ACAD11: variants seen among roughly 807,000 people sequenced by gnomAD.
ACAD11 encodes the protein acyl-CoA dehydrogenase family member 11.
Under a neutral mutation model 102.2 loss-of-function variants are expected in ACAD11, and 83 were observed. The observed-to-expected ratio is 0.81, with a 90% CI of 0.68 to 0.97. The LOEUF is 0.97. Among genes scored for constraint, ACAD11 ranks in the 50% least tolerant of loss-of-function variants. The pLI is 0.00. For missense variants in ACAD11, 901 were observed against 951.7 expected, an observed-to-expected ratio of 0.95 and a Z score of 0.70; for synonymous variants, 324 against 319.8, an observed-to-expected ratio of 1.01 and a Z score of -0.14.
intron 9 of ACAD11, among the ~76,000 whole-genome samples, chr3:132,621,498 T>C (rs1241108281): frequency 1.3e-5 from 2 of 151,880 alleles, no homozygotes; most frequent in Non-Finnish European, 2.9e-5. Flanking sequence ...ATAAAGGTAT[T>C]AACAATAAGT....
intron 11 of ACAD11, among the ~76,000 whole-genome samples, chr3:132,608,192 G>A (rs907974155): frequency 7.9e-5 from 12 of 152,196 alleles, no homozygotes; most frequent in East Asian, 5.8e-4. Context: ...AAAGACCATC[G>A]ACACTATAAA....
chr3:132,629,589 T>C (rs890972991), intron 7 of ACAD11, among the ~76,000 whole-genome samples: 2 of 152,248 alleles, frequency 1.3e-5, no homozygotes, highest in Non-Finnish European at 2.9e-5. Context: ...CATACCCATT[T>C]TGAGAAACCC....
chr3:132,632,437 T>C (rs1291956929), intron 5 of ACAD11, among the ~76,000 whole-genome samples: 1 of 152,168 alleles, frequency 6.6e-6, no homozygotes, highest in Non-Finnish European at 1.5e-5. Context: ...AAAAAATCAA[T>C]TTGTAGAATA....
chr3:132,559,121 T>TA (rs752248834), intron 19 of ACAD11, 36 bp from the exon 20 acceptor site: 1 of 1,408,048 alleles, frequency 7.1e-7, no homozygotes, highest in South Asian at 1.2e-5. Flanking sequence ...CACAGGGAGT[T>TA]ATGGAAGAGG....
chr3:132,628,857 A>G (rs17413620), intron 7 of ACAD11, among the ~76,000 whole-genome samples: 14,006 of 152,224 alleles, frequency 0.092, 803 homozygotes, highest in Middle Eastern at 0.14. Context: ...AGAACATTTT[A>G]TCTCATTTTT....
intron 4 of ACAD11, among the ~76,000 whole-genome samples, chr3:132,641,258 T>C (rs1398035243): frequency 1.3e-5 from 2 of 152,092 alleles, no homozygotes; most frequent in Non-Finnish European, 2.9e-5. Flanking sequence ...AAGAAAAAAC[T>C]GTAAGCCGGG....
At chr3:132,605,024 G>A (rs1017502837) in intron 12 of ACAD11, 74 bp downstream of exon 12, 18 of 1,139,522 alleles carry the variant, frequency 1.6e-5, no homozygotes, top group Non-Finnish European at 2.3e-5. Flanking sequence ...ACCACATCCT[G>A]TATTTCTTCA....
intron 13 of ACAD11, among the ~76,000 whole-genome samples, chr3:132,586,057 C>T (rs1937807376): frequency 6.6e-6 from 1 of 152,082 alleles, no homozygotes; most frequent in Non-Finnish European, 1.5e-5. Context: ...TTTATTGTGG[C>T]ACTATTCACA....
At chr3:132,561,279 G>T (rs1937049038) in intron 17 of ACAD11, 62 bp from the exon 18 acceptor site, 1 of 1,191,170 alleles carries the variant, frequency 8.4e-7, no homozygotes, top group Non-Finnish European at 1.3e-6. Context: ...ATGTCCACGT[G>T]TAACACAGTC....
chr3:132,603,469 A>G, intron 12 of ACAD11, 142 bp from the exon 13 acceptor site: 1 of 659,340 alleles, frequency 1.5e-6, no homozygotes, highest in Non-Finnish European at 2.6e-6. Context: ...CTTTTCCCAT[A>G]ACCTACACAC....
chr3:132,612,836 G>C (rs1050544582), intron 11 of ACAD11, among the ~76,000 whole-genome samples: 2 of 151,978 alleles, frequency 1.3e-5, no homozygotes, highest in African/African-American at 4.8e-5. Flanking sequence ...CAGGGATCTA[G>C]AACTAGAAAT....
intron 1 of ACAD11, among the ~76,000 whole-genome samples, chr3:132,655,607 G>A (rs569282137): frequency 2.0e-5 from 3 of 152,232 alleles, no homozygotes; most frequent in South Asian, 2.1e-4. Context: ...GCTGAATGCC[G>A]TGTGCTCGAG....
At chr3:132,654,647 A>G (rs1017800243) in intron 1 of ACAD11, 2 of 152,216 alleles carry the variant, frequency 1.3e-5, no homozygotes, top group East Asian at 3.9e-4. Flanking sequence ...GCCCTCTGGG[A>G]AAAGAGCAGC....
chr3:132,580,919 T>G (rs1006390572), intron 13 of ACAD11, among the ~76,000 whole-genome samples: 1 of 151,772 alleles, frequency 6.6e-6, no homozygotes, highest in Non-Finnish European at 1.5e-5. Flanking sequence ...AGCCAAAACA[T>G]GAAGTCTAAC....
chr3:132,609,412 A>G (rs1238278049), intron 11 of ACAD11, among the ~76,000 whole-genome samples: 1 of 152,226 alleles, frequency 6.6e-6, no homozygotes, highest in East Asian at 1.9e-4. Flanking sequence ...AGAAAAGAGA[A>G]GAATCAAATA....
Position 132,563,357 on chromosome 3 carries a change from GTGATTGGAAC to G in ACAD11, c.2002-2150_2002-2141del, listed in dbSNP as rs1185028335. 5.9e-5 allele frequency among the ~76,000 whole-genome samples: 9 copies of G among 152,302 alleles called. 1 individual carries two copies. In the South Asian group the frequency reaches 1.5e-3, roughly 25 times the overall value. ...TCTACAAAATTGTCCTTTTGGGACT[GTGATTGGAAC>G]TGCCTTAAGTCTGCAGATCAATTTG... On this transcript the variant is annotated intron_variant, in intron 17 of 19. Transcript: ENST00000264990.
At chr3:132,603,701 C>T (rs960386551) in intron 12 of ACAD11, among the ~76,000 whole-genome samples, 1 of 152,220 alleles carries the variant, frequency 6.6e-6, no homozygotes, top group African/African-American at 2.4e-5. Flanking sequence ...AGATTCCCCC[C>T]ATATAGTTTA....
chr3:132,570,375 TTCA>T (rs957323855), intron 17 of ACAD11, among the ~76,000 whole-genome samples: 3 of 152,196 alleles, frequency 2.0e-5, no homozygotes, highest in African/African-American at 7.2e-5. Flanking sequence ...GAGAAAAATG[TTCA>T]TCAAGATGAG....
intron 13 of ACAD11, among the ~76,000 whole-genome samples, chr3:132,582,905 A>C (rs1869862): frequency 0.56 from 85,173 of 151,954 alleles, 26,824 homozygotes; most frequent in East Asian, 0.87. Context: ...ATGATTTTAT[A>C]TACGACTAAA....
Sources: allele counts gnomAD v4.1 joint callset (sites outside exome capture counted in the v4.1 genomes callset), GRCh38; gene constraint gnomAD v4.1.1; transcripts MANE v1.5; gene names NCBI Gene and HGNC (gene_info 2026-07-23, HGNC 2026-07-21).